The following MYL3 variants were observed in gnomAD, a reference collection of about 807,000 sequenced individuals.
The protein encoded by MYL3 is CMLC1.
In MYL3, 11 loss-of-function variants were observed where a neutral mutation model predicts 21.3. That is an observed-to-expected ratio of 0.52 (90% CI 0.32 to 0.85). The LOEUF (loss-of-function observed/expected upper bound fraction) is 0.85. Among genes scored for constraint, MYL3 ranks in the 40% least tolerant of loss-of-function variants. MYL3 has a pLI of 0.03. For synonymous variants in MYL3, 88 were observed against 91.6 expected (o/e 0.96, Z 0.22); for missense variants, 206 against 253.3 (o/e 0.81, Z 1.27).
intron 1 of MYL3, chr3:46,881,230 T>G (rs927311865): frequency 6.6e-6 from 1 of 152,112 alleles, no homozygotes; most frequent in African/African-American, 2.4e-5. Context: ...CCCCAGCCCC[T>G]CCCTCTGCCT....
At chr3:46,878,869 G>C (rs1166316537) in intron 1 of MYL3, among the ~76,000 whole-genome samples, 1 of 152,148 alleles carries the variant, frequency 6.6e-6, no homozygotes, top group Non-Finnish European at 1.5e-5. Context: ...CTAGGCCCCA[G>C]CCTGGGGATT....
upstream of MYL3, among the ~76,000 whole-genome samples, chr3:46,865,276 G>C (rs186010421): frequency 6.6e-6 from 1 of 151,782 alleles, no homozygotes; most frequent in African/African-American, 2.4e-5. This position sits in a 1 kb window ranked among gnomAD's most constrained non-coding sequence, Gnocchi z 4.3. Context: ...CGGGACTGGC[G>C]GGGGGGCAAG....
intron 1 of MYL3, among the ~76,000 whole-genome samples, chr3:46,881,288 G>A (rs1472521931): frequency 1.3e-5 from 2 of 152,138 alleles, no homozygotes; most frequent in East Asian, 3.9e-4. Flanking sequence ...GGGTCGAAGG[G>A]CCCCTCCTCT....
chr3:46,880,769 T>C (rs1181134902), intron 1 of MYL3, among the ~76,000 whole-genome samples: 2 of 137,724 alleles, frequency 1.5e-5, no homozygotes, highest in East Asian at 3.9e-4. Context: ...AAGAAGAAAG[T>C]AGCAGCAGAA....
chr3:46,858,301 G>A (rs1701953501), intron 5 of MYL3, 29 bp from the exon 6 acceptor site: 1 of 1,614,044 alleles, frequency 6.2e-7, no homozygotes, highest in South Asian at 1.1e-5. Context: ...TGAGTGGCAG[G>A]AGTGCAACAT....
At chr3:46,870,946 C>A (rs1702103957) in intron 1 of MYL3, among the ~76,000 whole-genome samples, 1 of 152,200 alleles carries the variant, frequency 6.6e-6, no homozygotes, top group Non-Finnish European at 1.5e-5. Context: ...TACCACACAC[C>A]TTTACCATAT....
chr3:46,864,662 C>T (rs1486933027), upstream of MYL3, among the ~76,000 whole-genome samples: 1 of 152,172 alleles, frequency 6.6e-6, no homozygotes, highest in Admixed American at 6.5e-5. The surrounding 1 kb of genome is among the most constrained non-coding windows in gnomAD (Gnocchi z 4.7). Flanking sequence ...GAGGGTCTGC[C>T]TCTCTGAGGA....
In MYL3 at chr3:46,860,915, C is replaced by T; in HGVS notation, c.157+45G>A. On this transcript the variant is annotated intron_variant, in intron 2 of 6. Coordinates refer to ENST00000292327, the MANE Select transcript of MYL3 (RefSeq NM_000258.3). The surrounding 1 kb of genome is among the most constrained non-coding windows in gnomAD (Gnocchi z 4.6). ...CTGGCAGGACCCTCAGACCAGGGAA[C>T]CCCAGCCCAATCCTGCAACCCCTGG... 1.2e-6 allele frequency: 2 copies of T among 1,614,072 alleles called. No homozygotes were observed. The highest frequency in any genetic ancestry group is 1.7e-6 in the Non-Finnish European group (2 of 1,179,982).
intron 1 of MYL3, among the ~76,000 whole-genome samples, chr3:46,871,040 T>A (rs1410449203): frequency 6.6e-6 from 1 of 152,200 alleles, no homozygotes; most frequent in Non-Finnish European, 1.5e-5. Flanking sequence ...ACATATACTT[T>A]TGCACACATG....
intron 4 of MYL3, among the ~76,000 whole-genome samples, chr3:46,858,937 A>G (rs1447998388): frequency 6.6e-6 from 1 of 152,070 alleles, no homozygotes; most frequent in African/African-American, 2.4e-5. Flanking sequence ...CCACCTTTAG[A>G]CACACATGCA....
chr3:46,881,863 G>A (rs1347885306), intron 1 of MYL3, among the ~76,000 whole-genome samples: 1 of 151,942 alleles, frequency 6.6e-6, no homozygotes, highest in African/African-American at 2.4e-5. Context: ...CGGGGGTACC[G>A]GGCAGCCTCC....
Position 46,860,842 on chromosome 3 carries a change from G to C in MYL3, c.158-17C>G. ...CCTTGAACTCTGCCAGGAGAGGGCA[G>C]TGAGCCACAGACACTCCCAGGGTCA... On this transcript the variant is annotated splice_polypyrimidine_tract_variant and intron_variant, in intron 2 of 6. Coordinates refer to ENST00000292327, the MANE Select transcript of MYL3 (RefSeq NM_000258.3). The surrounding 1 kb of genome is among the most constrained non-coding windows in gnomAD (Gnocchi z 4.6). The C allele has an allele frequency of 6.2e-7, 1 of 1,614,042 alleles. No individual in the cohort carries two copies. Among genetic ancestry groups the C allele is most frequent in the Non-Finnish European group, 8.5e-7 (1 of 1,179,980 alleles).
At chr3:46,880,995 T>G (rs2030523578) in intron 1 of MYL3, 1 of 152,216 alleles carries the variant, frequency 6.6e-6, no homozygotes, top group Non-Finnish European at 1.5e-5. Flanking sequence ...ATGCCCACCC[T>G]CGTGGAAACT....
intron 1 of MYL3, among the ~76,000 whole-genome samples, chr3:46,868,858 G>C (rs1183343371): frequency 6.6e-6 from 1 of 152,254 alleles, no homozygotes; most frequent in Non-Finnish European, 1.5e-5. Context: ...TTAGTCCAAA[G>C]AGTGAGCATC....
rs566171277 is a variant in MYL3 at position 46,882,161 on chromosome 3, T to G, written c.-305A>C. 6.9e-6 allele frequency: 1 copy of G among 143,990 alleles called. No homozygotes were observed. The highest frequency in any genetic ancestry group is 2.5e-5 in the African/African-American group (1 of 39,422). The allele number at this position is 143,990 out of a possible 1,614,324, so 8.9% of individuals were successfully genotyped here. On this transcript the variant is annotated 5_prime_UTR_variant, in exon 1 of 4. Coordinates refer to the MYL3 transcript ENST00000431168. This position sits in a 1 kb window ranked among gnomAD's most constrained non-coding sequence, Gnocchi z 4.3. ...AAGGCTCCTCTCGGCCTCTCCACAC[T>G]CCCGCGTCGGCGGCTGCGGAGGGGG...
chr3:46,858,261 G>C lies in MYL3; in HGVS notation c.571C>G (p.His191Asp), dbSNP rs869025487. Residue 191 changes from histidine to aspartate, a missense_variant, in exon 6 of 7, where the codon CAC becomes GAC. His to Asp is a moderately conservative substitution (Grantham distance 81). Coordinates refer to ENST00000292327, the MANE Select transcript of MYL3 (RefSeq NM_000258.3). Reference sequence around the variant, plus strand: ...CACGAGGTTTAGCTGGACATGATGTGCTTCACAAATGCTGGAAAGAAGAGG... The same window carrying C: ...CACGAGGTTTAGCTGGACATGATGTCCTTCACAAATGCTGGAAAGAAGAGG... ...GCINYEAFVK[H>D]IMSS 2.5e-6 allele frequency: 4 copies of C among 1,614,178 alleles called. No individual in the cohort carries two copies. Among genetic ancestry groups the C allele is most frequent in the Non-Finnish European group, 2.5e-6 (3 of 1,180,022 alleles).
chr3:46,881,282 C>G (rs915081337), intron 1 of MYL3, among the ~76,000 whole-genome samples: 36 of 152,274 alleles, frequency 2.4e-4, no homozygotes, highest in African/African-American at 8.4e-4. Context: ...GGTTTGGGGT[C>G]GAAGGGCCCC....
At chr3:46,866,239 T>A (rs1575499786), upstream of MYL3, among the ~76,000 whole-genome samples, 1 of 152,312 alleles carries the variant, frequency 6.6e-6, no homozygotes, top group Admixed American at 6.5e-5. Flanking sequence ...GCAGGCAGGA[T>A]CTGGGCAGGG....
intron 1 of MYL3, chr3:46,881,082 A>G (rs2030527559): frequency 6.6e-6 from 1 of 152,394 alleles, no homozygotes; most frequent in South Asian, 2.1e-4. Context: ...TGAGGTCCAG[A>G]CAGCCGAAGA....
Sources: gnomAD v4.1 joint callset for allele counts (sites outside exome capture counted in the v4.1 genomes callset) on GRCh38, gnomAD v4.1.1 for gene constraint, Gnocchi (gnomAD v3.1) non-coding constraint, MANE v1.5 for transcripts, NCBI Gene and HGNC (gene_info 2026-07-23, HGNC 2026-07-21) for gene names.